Variants in CA12 observed in about 807,000 individuals in gnomAD.
The protein encoded by CA12 is carbonic anhydrase 12, also known as carbonate dehydratase XII.
A neutral mutation model predicts 46.8 loss-of-function variants in CA12; 36 were observed. That is an observed-to-expected ratio of 0.77 (90% CI 0.59 to 1.02). The LOEUF is 1.02. Among genes scored for constraint, CA12 ranks in the 50% least tolerant of loss-of-function variants. The pLI is 0.00. For missense variants in CA12, 436 were observed against 451.4 expected (o/e 0.97, Z 0.31); for synonymous variants, 202 against 187.0 (o/e 1.08, Z -0.65).
chr15:63,367,908 T>A (rs992315001), intron 2 of CA12, among the ~76,000 whole-genome samples: 41 of 152,174 alleles, frequency 2.7e-4, no homozygotes, highest in Non-Finnish European at 4.4e-5. Flanking sequence ...CGACCCAACA[T>A]CACCAAAAAG....
At chr15:63,365,376 C>T (rs1158376052) in intron 2 of CA12, among the ~76,000 whole-genome samples, 2 of 152,214 alleles carry the variant, frequency 1.3e-5, no homozygotes, top group African/African-American at 2.4e-5. Flanking sequence ...CGAGCATCCA[C>T]CAATGGACTG....
intron 2 of CA12, among the ~76,000 whole-genome samples, chr15:63,360,990 G>A (rs769015409): frequency 6.6e-5 from 10 of 152,176 alleles, no homozygotes; most frequent in Non-Finnish European, 1.0e-4. Flanking sequence ...TTTTAAAGCT[G>A]TCAACAGTTT....
At chr15:63,337,232 G>T (rs1451148307) in intron 8 of CA12, among the ~76,000 whole-genome samples, 1 of 152,230 alleles carries the variant, frequency 6.6e-6, no homozygotes, top group Non-Finnish European at 1.5e-5. Flanking sequence ...TTCTTGGGCA[G>T]TTCTTCATGA....
intron 2 of CA12, among the ~76,000 whole-genome samples, chr15:63,369,128 G>A (rs1046360639): frequency 1.3e-5 from 2 of 152,320 alleles, no homozygotes; most frequent in Admixed American, 6.5e-5. Context: ...GAGGCCCTTG[G>A]GACGAGAGCT....
intron 2 of CA12, among the ~76,000 whole-genome samples, chr15:63,349,513 C>A (rs564875012): frequency 9.9e-5 from 15 of 152,270 alleles, no homozygotes; most frequent in Admixed American, 8.5e-4. Flanking sequence ...TCAAGAAAGC[C>A]TTGTCTTCGC....
In CA12 at chr15:63,348,172, A is replaced by C. The variant is rs1456940530; in HGVS notation, c.107-1463T>G. Among the ~76,000 whole-genome samples, 1 of 152,190 alleles carries C rather than the reference A, an allele frequency of 6.6e-6. No individual in the cohort carries two copies. The highest frequency in any genetic ancestry group is 1.5e-5 in the Non-Finnish European group (1 of 68,042). On this transcript the variant is annotated intron_variant, in intron 2 of 10. Coordinates refer to ENST00000178638, the MANE Select transcript of CA12 (RefSeq NM_001218.5). This position sits in a 1 kb window ranked among gnomAD's most constrained non-coding sequence, Gnocchi z 4.6. ...TTTTTCAGGCTGTCAACCTTAGGCT[A>C]TGCATTTTCAGAAATGTTACAGCAT...
At position 63,366,146 on chromosome 15, in the gene CA12, A is replaced by G. The variant is rs980541496; in HGVS notation, c.106+9512T>C. On this transcript the variant is annotated intron_variant, in intron 2 of 10. Transcript: ENST00000178638. ...ACAGAGCGAGACTATCTCAAAAAAA[A>G]AAAAAAAAAAAAAGCATGTCCTGCA... 2.7e-5 allele frequency among the ~76,000 whole-genome samples: 4 copies of G among 149,212 alleles called. No homozygotes were observed. In the East Asian group the frequency reaches 5.8e-4, roughly 22 times the overall value.
intron 2 of CA12, among the ~76,000 whole-genome samples, chr15:63,371,552 G>A (rs71394517): frequency 0.038 from 5,801 of 152,344 alleles, 144 homozygotes; most frequent in Middle Eastern, 0.061. Flanking sequence ...CTGGCCTCGC[G>A]GGTGCCCTGT....
In CA12 at chr15:63,341,280, G is replaced by C. The variant is rs766642017; in HGVS notation, c.526-497C>G. 2.0e-5 allele frequency among the ~76,000 whole-genome samples: 3 copies of C among 152,198 alleles called. No homozygotes were observed. Among genetic ancestry groups the C allele is most frequent in the Non-Finnish European group, 2.9e-5 (2 of 68,018 alleles). On this transcript the variant is annotated intron_variant, in intron 5 of 10. Coordinates refer to ENST00000178638, the MANE Select transcript of CA12 (RefSeq NM_001218.5). The surrounding 1 kb of genome is among the most constrained non-coding windows in gnomAD (Gnocchi z 5.2). ...TAGAGCAGGGGTGCCCAGCCCCCAG[G>C]CTGTGGACCAGTACCGGTCTGTGGC... is the stretch of plus-strand genomic sequence containing the variant.
Position 63,322,242 on chromosome 15 carries a change from C to G in CA12, c.*4043G>C, listed in dbSNP as rs2038799843. 1 of 152,118 alleles carries G rather than the reference C, an allele frequency of 6.6e-6. No homozygotes were observed. The highest frequency in any genetic ancestry group is 6.5e-5 in the Admixed American group (1 of 15,268). The allele number at this position is 152,118 out of a possible 1,614,324, so 9.4% of individuals were successfully genotyped here. On this transcript the variant is annotated 3_prime_UTR_variant, in exon 11 of 11. Transcript: ENST00000178638. The surrounding 1 kb of genome is among the most constrained non-coding windows in gnomAD (Gnocchi z 4.1). Reference sequence around the variant, plus strand: ...ACGACCAAATATCTACAAGGAAAATCTAGCATCTGAATCGAGTGTGCTGTC... The same window carrying G: ...ACGACCAAATATCTACAAGGAAAATGTAGCATCTGAATCGAGTGTGCTGTC...
At chr15:63,343,699 A>G (rs2039110729) in intron 4 of CA12, among the ~76,000 whole-genome samples, 1 of 152,184 alleles carries the variant, frequency 6.6e-6, no homozygotes, top group Non-Finnish European at 1.5e-5. Flanking sequence ...TTTATGGTCC[A>G]TCTTAACCAG....
intron 8 of CA12, 33 bp downstream of exon 8, chr15:63,338,786 G>T (rs200455081): frequency 1.2e-6 from 2 of 1,612,474 alleles, no homozygotes; most frequent in East Asian, 2.2e-5. Flanking sequence ...CCACACTCCC[G>T]CACCCCCTCC....
intron 2 of CA12, among the ~76,000 whole-genome samples, chr15:63,369,582 A>T (rs751637489): frequency 6.6e-6 from 1 of 152,210 alleles, no homozygotes; most frequent in Non-Finnish European, 1.5e-5. Flanking sequence ...TAGGCCTGGG[A>T]TGGGCTGAGA....
intron 2 of CA12, among the ~76,000 whole-genome samples, chr15:63,350,427 A>G (rs907859014): frequency 1.3e-5 from 2 of 152,136 alleles, no homozygotes. Context: ...TAAAAGAAGC[A>G]TTTATTTCCA....
Position 63,340,705 on chromosome 15 carries a change from G to T in CA12, c.589+15C>A. On this transcript the variant is annotated intron_variant, in intron 6 of 10. Coordinates refer to ENST00000178638, the MANE Select transcript of CA12 (RefSeq NM_001218.5). The surrounding 1 kb of genome is among the most constrained non-coding windows in gnomAD (Gnocchi z 4.4). ...TCTCCAGCAGAGAGTGAATATGCAT[G>T]CAAGGACCCCTCACCTTTGTACTTT... 2 of 1,612,880 alleles carry T rather than the reference G, an allele frequency of 1.2e-6. No homozygotes were observed. The highest frequency in any genetic ancestry group is 1.7e-6 in the Non-Finnish European group (2 of 1,178,800).
chr15:63,335,959 G>C (rs1426924035), intron 8 of CA12, among the ~76,000 whole-genome samples: 1 of 152,160 alleles, frequency 6.6e-6, no homozygotes, highest in Middle Eastern at 3.2e-3. Context: ...AGCCGCACTT[G>C]CTGCCTGTGT....
chr15:63,353,591 G>A (rs754496459), intron 2 of CA12, among the ~76,000 whole-genome samples: 100 of 152,150 alleles, frequency 6.6e-4, no homozygotes, highest in Non-Finnish European at 1.1e-3. Context: ...CAACAGTCCC[G>A]CTCTTGTGGC....
In CA12 at chr15:63,381,630, CT is replaced by C; in HGVS notation, c.85+5del. 6.2e-7 allele frequency: 1 copy of C among 1,609,356 alleles called. No homozygotes were observed. Among genetic ancestry groups the C allele is most frequent in the Non-Finnish European group, 8.5e-7 (1 of 1,177,838 alleles). On this transcript the variant is annotated splice_donor_5th_base_variant and intron_variant, in intron 1 of 10. Transcript: ENST00000178638. ...GTGTTAGGAAAGAAGCAGGCGGAAA[CT>C]TTACCGTTCACTGGGGCCGGGCTGG...
intron 2 of CA12, among the ~76,000 whole-genome samples, chr15:63,369,431 A>T (rs1048455702): frequency 6.6e-6 from 1 of 152,194 alleles, no homozygotes; most frequent in Non-Finnish European, 1.5e-5. Flanking sequence ...GCCTCTCTCC[A>T]TGTGTTATCT....
Sources: gnomAD v4.1 joint callset for allele counts (sites outside exome capture counted in the v4.1 genomes callset) on GRCh38, gnomAD v4.1.1 for gene constraint, Gnocchi (gnomAD v3.1) non-coding constraint, MANE v1.5 for transcripts, NCBI Gene and HGNC (gene_info 2026-07-23, HGNC 2026-07-21) for gene names.